Variants in PDE1A observed in about 807,000 individuals in gnomAD.
PDE1A encodes the protein phosphodiesterase 1A, also known as dual specificity calcium/calmodulin-dependent 3',5'-cyclic nucleotide phosphodiesterase 1A.
In PDE1A, 35 loss-of-function variants were observed where a neutral mutation model predicts 61.7. The ratio of observed to expected loss-of-function variants is 0.57; its 90% CI spans 0.43 to 0.75. The LOEUF is 0.75. Ranked by LOEUF, PDE1A falls within the 30% of genes least tolerant of loss-of-function variation. The pLI is 0.00. For missense variants in PDE1A, 597 were observed against 630.6 expected (o/e 0.95, Z 0.57); for synonymous variants, 232 against 213.2 (o/e 1.09, Z -0.77).
intron 13 of PDE1A, among the ~76,000 whole-genome samples, chr2:182,175,144 T>C (rs528782994): frequency 2.6e-5 from 4 of 152,322 alleles, no homozygotes; most frequent in Non-Finnish European, 5.9e-5. Flanking sequence ...CAGTCTATCA[T>C]TGATGAGCAT....
At chr2:182,613,418 C>A in the PDE1A span, among the ~76,000 whole-genome samples, 1 of 151,946 alleles carries the variant, frequency 6.6e-6, no homozygotes, top group Non-Finnish European at 1.5e-5. Flanking sequence ...AAAAAATTAG[C>A]CGGGCATGGT....
intron 1 of PDE1A, among the ~76,000 whole-genome samples, chr2:182,362,275 T>C (rs1215644880): frequency 5.9e-5 from 9 of 152,052 alleles, no homozygotes; most frequent in Non-Finnish European, 1.5e-5. Flanking sequence ...GCCTTTTTGT[T>C]GGATAAACAT....
rs1465873399 is a variant in PDE1A at position 182,221,722 on chromosome 2, C to G, written c.776+2142G>C. ...CCCACCCCATTTCAGGCTTTAACAG[C>G]TTGGAATTATCATGTGTCCATCTCT... is the stretch of plus-strand genomic sequence containing the variant. On this transcript the variant is annotated intron_variant, in intron 7 of 13. Transcript: ENST00000351439. 2.6e-5 allele frequency among the ~76,000 whole-genome samples: 4 copies of G among 152,080 alleles called. No individual in the cohort carries two copies. The East Asian group carries it at 7.7e-4, about 29-fold the overall frequency.
chr2:182,568,905 C>A, the PDE1A span, among the ~76,000 whole-genome samples: 1 of 151,850 alleles, frequency 6.6e-6, no homozygotes, highest in Non-Finnish European at 1.5e-5. Context: ...AGATTAATCA[C>A]CAATCTCATC....
chr2:182,501,171 C>T (rs527901235), intron 2 of PDE1A, among the ~76,000 whole-genome samples: 114 of 152,282 alleles, frequency 7.5e-4, no homozygotes, highest in Non-Finnish European at 1.4e-3. Context: ...CACAACGACC[C>T]TTATATAGTG....
downstream of PDE1A, among the ~76,000 whole-genome samples, chr2:182,166,689 ATTTC>A (rs938894087): frequency 5.9e-5 from 9 of 152,098 alleles, no homozygotes; most frequent in Non-Finnish European, 1.0e-4. Context: ...CTTCACATGT[ATTTC>A]TTATTGTTTC....
intron 1 of PDE1A, among the ~76,000 whole-genome samples, chr2:182,370,187 A>AG (rs1700054170): frequency 6.6e-6 from 1 of 151,758 alleles, no homozygotes; most frequent in Admixed American, 6.6e-5. Context: ...AAAAAAGAAA[A>AG]AAAAGAAAAA....
the PDE1A span, among the ~76,000 whole-genome samples, chr2:182,587,486 G>T: frequency 1.3e-5 from 2 of 152,160 alleles, no homozygotes; most frequent in Non-Finnish European, 2.9e-5. Flanking sequence ...AAACTAAAAT[G>T]ATTTGCCATT....
intron 1 of PDE1A, among the ~76,000 whole-genome samples, chr2:182,382,431 A>T (rs147220838): frequency 6.6e-6 from 1 of 152,352 alleles, no homozygotes; most frequent in African/African-American, 2.4e-5. Context: ...ACAGCTATGA[A>T]AAGAAATGAA....
intron 1 of PDE1A, among the ~76,000 whole-genome samples, chr2:182,308,603 T>G (rs147375211): frequency 0.012 from 1,777 of 152,136 alleles, 44 homozygotes; most frequent in African/African-American, 0.04. Context: ...ATTAGTAAAT[T>G]GTAATAAAAT....
chr2:182,569,919 C>T, the PDE1A span, among the ~76,000 whole-genome samples: 2 of 152,264 alleles, frequency 1.3e-5, no homozygotes, highest in Non-Finnish European at 1.5e-5. Flanking sequence ...AAGTGTTTTC[C>T]AACTGTCCCA....
intron 1 of PDE1A, among the ~76,000 whole-genome samples, chr2:182,352,600 T>C (rs992331735): frequency 6.7e-6 from 1 of 150,226 alleles, no homozygotes; most frequent in Non-Finnish European, 1.5e-5. Context: ...AACTACTTTA[T>C]GGACATCAAC....
the PDE1A span, among the ~76,000 whole-genome samples, chr2:182,690,854 C>A: frequency 6.6e-6 from 1 of 152,112 alleles, no homozygotes; most frequent in Non-Finnish European, 1.5e-5. Flanking sequence ...AATCAATGTA[C>A]AAAAATCACA....
the PDE1A span, among the ~76,000 whole-genome samples, chr2:182,588,386 T>C: frequency 4.6e-5 from 7 of 152,332 alleles, no homozygotes; most frequent in South Asian, 6.2e-4. Flanking sequence ...AAAAAGTTCC[T>C]GTAGTTTTAA....
chr2:182,667,802 C>T, the PDE1A span, among the ~76,000 whole-genome samples: 1 of 152,142 alleles, frequency 6.6e-6, no homozygotes, highest in African/African-American at 2.4e-5. Context: ...AAAACTGCAA[C>T]CCAAAATGAG....
chr2:182,508,289 G>A (rs964954463), intron 2 of PDE1A, among the ~76,000 whole-genome samples: 15 of 151,476 alleles, frequency 9.9e-5, no homozygotes, highest in East Asian at 1.9e-4. Context: ...TATAATCAAC[G>A]GTGAAAAGCC....
chr2:182,316,183 C>G (rs569679270), intron 1 of PDE1A, among the ~76,000 whole-genome samples: 1 of 152,256 alleles, frequency 6.6e-6, no homozygotes, highest in South Asian at 2.1e-4. Flanking sequence ...TCTAACTCAT[C>G]CATGTGATCA....
chr2:182,320,002 G>A lies in PDE1A; in HGVS notation c.54-55588C>T, dbSNP rs1171840848. The stretch of plus-strand genomic sequence containing the variant: ...CATTCTCTGGTGGATTTAAAGGCTG[G>A]TAGGCCCTATGTTGCCTATATTCAG... On this transcript the variant is annotated intron_variant, in intron 1 of 13. Coordinates refer to ENST00000351439, the Ensembl canonical transcript of PDE1A. 2.0e-5 allele frequency among the ~76,000 whole-genome samples: 3 copies of A among 152,126 alleles called. No individual in the cohort carries two copies. In the East Asian group the frequency reaches 5.8e-4, roughly 29 times the overall value.
the PDE1A span, among the ~76,000 whole-genome samples, chr2:182,612,278 A>G: frequency 6.6e-6 from 1 of 152,248 alleles, no homozygotes; most frequent in Non-Finnish European, 1.5e-5. Flanking sequence ...CAGGTATTCA[A>G]GACAAAAAAA....
Sources: gnomAD v4.1 joint callset for allele counts (sites outside exome capture counted in the v4.1 genomes callset) on GRCh38, gnomAD v4.1.1 for gene constraint, MANE v1.5 for transcripts, NCBI Gene and HGNC (gene_info 2026-07-23, HGNC 2026-07-21) for gene names.